TFPI: variants seen among roughly 807,000 people sequenced by gnomAD.
The protein encoded by TFPI is anti-convertin.
TFPI carries 15 observed loss-of-function variants against 34.6 expected under a neutral mutation model. That is an observed-to-expected ratio of 0.43 (90% CI 0.29 to 0.67). TFPI has a LOEUF of 0.67. Among genes scored for constraint, TFPI ranks in the 30% least tolerant of loss-of-function variants. The pLI is 0.15. For missense variants in TFPI, 301 were observed against 364.0 expected (o/e 0.83, Z 1.41); for synonymous variants, 105 against 120.1 (o/e 0.87, Z 0.82).
chr2:187,504,437 C>G (rs1269271549), intron 1 of TFPI, among the ~76,000 whole-genome samples: 1 of 151,362 alleles, frequency 6.6e-6, no homozygotes, highest in African/African-American at 2.4e-5. Context: ...TTATCTGATT[C>G]AAAAAGTTTC....
Position 187,495,535 on chromosome 2 carries a change from T to G in TFPI, c.319+1346A>C, listed in dbSNP as rs8176456. On this transcript the variant is annotated intron_variant, in intron 3 of 7. Coordinates refer to ENST00000233156, the MANE Select transcript of TFPI (RefSeq NM_006287.6). ...CATCTATGGAGAGGAAACAGAGAAA[T>G]CAGTGCTGTGAGGTTAAAGAAATAT... 2.4e-3 allele frequency among the ~76,000 whole-genome samples: 373 copies of G among 152,286 alleles called. 4 individuals carry two copies. The highest frequency in any genetic ancestry group is 8.6e-3 in the African/African-American group (357 of 41,570).
At chr2:187,547,857 C>T (rs1243484453) in intron 1 of TFPI, 1 of 152,124 alleles carries the variant, frequency 6.6e-6, no homozygotes, top group Non-Finnish European at 1.5e-5. Context: ...AACACATGAT[C>T]ATATCATCAG....
intron 1 of TFPI, among the ~76,000 whole-genome samples, chr2:187,537,731 GACAAA>G (rs1688340590): frequency 6.6e-6 from 1 of 152,162 alleles, no homozygotes; most frequent in Non-Finnish European, 1.5e-5. Context: ...AGCCAAAATT[GACAAA>G]TGGGATCTAA....
chr2:187,544,885 C>G (rs370240948), intron 1 of TFPI, among the ~76,000 whole-genome samples: 13 of 152,238 alleles, frequency 8.5e-5, no homozygotes, highest in East Asian at 5.8e-4. Flanking sequence ...GAGGCCAAGG[C>G]GGGCGGATCA....
intron 1 of TFPI, among the ~76,000 whole-genome samples, chr2:187,539,176 T>C (rs1023455633): frequency 3.3e-5 from 5 of 152,272 alleles, no homozygotes; most frequent in Admixed American, 3.3e-4. Flanking sequence ...GGGCTGCTAC[T>C]GTGGACAGTA....
intron 1 of TFPI, chr2:187,515,554 G>T (rs1686945845): frequency 6.6e-6 from 1 of 152,076 alleles, no homozygotes; most frequent in African/African-American, 2.4e-5. Flanking sequence ...GACAAGCGCT[G>T]CTCCAGTCAC....
chr2:187,493,983 T>C (rs990722233), intron 3 of TFPI, among the ~76,000 whole-genome samples: 10 of 152,178 alleles, frequency 6.6e-5, no homozygotes, highest in Non-Finnish European at 1.2e-4. Flanking sequence ...AGTTCCAAAG[T>C]CACTTCCACA....
At chr2:187,551,449 G>A (rs149572761) in intron 1 of TFPI, among the ~76,000 whole-genome samples, 1 of 152,274 alleles carries the variant, frequency 6.6e-6, no homozygotes, top group East Asian at 1.9e-4. Context: ...AAGTAGAGGT[G>A]AAGAAGTTGC....
intron 1 of TFPI, among the ~76,000 whole-genome samples, chr2:187,544,981 G>A (rs975939208): frequency 9.2e-5 from 14 of 151,962 alleles, no homozygotes; most frequent in African/African-American, 3.1e-4. Flanking sequence ...CGGTTGTGGT[G>A]TGCGCCTGTA....
intron 1 of TFPI, among the ~76,000 whole-genome samples, chr2:187,549,893 G>T (rs546698892): frequency 6.6e-6 from 1 of 151,678 alleles, no homozygotes; most frequent in African/African-American, 2.4e-5. Flanking sequence ...AAAAAAAAAA[G>T]ACAAAATATA....
chr2:187,543,329 T>C (rs1027310522), intron 1 of TFPI, among the ~76,000 whole-genome samples: 5 of 152,230 alleles, frequency 3.3e-5, no homozygotes, highest in Non-Finnish European at 4.4e-5. Flanking sequence ...TAATATACAC[T>C]AAGTTAAACT....
chr2:187,476,846 T>C (rs1202582506), intron 6 of TFPI, among the ~76,000 whole-genome samples: 1 of 152,174 alleles, frequency 6.6e-6, no homozygotes. Flanking sequence ...AAAGAAGTCT[T>C]ATCAAATTAG....
chr2:187,468,892 G>A (rs1486881991), intron 6 of TFPI, among the ~76,000 whole-genome samples: 1 of 152,004 alleles, frequency 6.6e-6, no homozygotes, highest in African/African-American at 2.4e-5. Context: ...TTGTCAAATG[G>A]TGAGATGTGA....
At chr2:187,550,295 T>C (rs942314574) in intron 1 of TFPI, among the ~76,000 whole-genome samples, 2 of 152,120 alleles carry the variant, frequency 1.3e-5, no homozygotes, top group Admixed American at 6.6e-5. Flanking sequence ...GCAGGGAATA[T>C]TTTTTGTTCC....
intron 3 of TFPI, among the ~76,000 whole-genome samples, chr2:187,496,512 T>C (rs541517926): frequency 6.6e-6 from 1 of 152,242 alleles, no homozygotes; most frequent in Non-Finnish European, 1.5e-5. Flanking sequence ...GTCTTTATTA[T>C]GGATAAGAGT....
intron 3 of TFPI, among the ~76,000 whole-genome samples, chr2:187,494,293 A>G (rs6736363): frequency 0.066 from 9,969 of 151,944 alleles, 549 homozygotes; most frequent in East Asian, 0.24. Flanking sequence ...GTGAAACCAT[A>G]TAACACACAT....
At chr2:187,536,181 T>A (rs181685079) in intron 1 of TFPI, among the ~76,000 whole-genome samples, 153 of 152,334 alleles carry the variant, frequency 1.0e-3, no homozygotes, top group Non-Finnish European at 7.9e-4. Flanking sequence ...CTATTCCTTC[T>A]GAAACTATTC....
chr2:187,490,642 G>A (rs1426873166), intron 3 of TFPI, among the ~76,000 whole-genome samples: 1 of 151,446 alleles, frequency 6.6e-6, no homozygotes, highest in East Asian at 1.9e-4. Flanking sequence ...CATGTAGTTA[G>A]TTCTTGATTT....
chr2:187,481,392 T>G (rs923488970), intron 6 of TFPI, among the ~76,000 whole-genome samples: 1 of 152,026 alleles, frequency 6.6e-6, no homozygotes, highest in African/African-American at 2.4e-5. Flanking sequence ...ATTGGGGAAA[T>G]TAAGAGGTGT....
Sources: gnomAD v4.1 joint callset for allele counts (sites outside exome capture counted in the v4.1 genomes callset) on GRCh38, gnomAD v4.1.1 for gene constraint, MANE v1.5 for transcripts, NCBI Gene and HGNC (gene_info 2026-07-23, HGNC 2026-07-21) for gene names.